Variants in MED13L observed in about 807,000 individuals in gnomAD.
The protein encoded by MED13L is mediator complex subunit 13L.
MED13L carries 7 observed loss-of-function variants against 220.9 expected under a neutral mutation model. That is an observed-to-expected ratio of 0.03 (90% CI 0.02 to 0.06). The LOEUF (loss-of-function observed/expected upper bound fraction) is 0.06, where lower values mean the gene tolerates loss of function less well. Ranked by LOEUF, MED13L falls within the 10% of genes least tolerant of loss-of-function variation. The pLI is 1.00. For synonymous variants in MED13L, 1,011 were observed against 1,015.2 expected (o/e 1.00, Z 0.08); for missense variants, 1,965 against 2,760.5 (o/e 0.71, Z 6.46).
At chr12:116,174,185 C>A (rs1242634295) in intron 2 of MED13L, among the ~76,000 whole-genome samples, 2 of 152,062 alleles carry the variant, frequency 1.3e-5, no homozygotes, top group African/African-American at 2.4e-5. Flanking sequence ...AAGGCAGTAA[C>A]CGAAAGAGAC....
chr12:115,972,392 AT>A (rs1876649692), intron 25 of MED13L, 156 bp from the exon 26 acceptor site: 1 of 821,264 alleles, frequency 1.2e-6, no homozygotes, highest in Non-Finnish European at 2.0e-6. Context: ...GCTATAGAGA[AT>A]GTTACTCGAC....
chr12:116,224,281 C>G (rs1868739800), intron 2 of MED13L, among the ~76,000 whole-genome samples: 1 of 152,212 alleles, frequency 6.6e-6, no homozygotes, highest in Non-Finnish European at 1.5e-5. Context: ...ATACACATCT[C>G]AAACTTCCCT....
At chr12:116,150,125 T>C (rs1416511994) in intron 2 of MED13L, among the ~76,000 whole-genome samples, 1 of 152,220 alleles carries the variant, frequency 6.6e-6, no homozygotes, top group Admixed American at 6.5e-5. Context: ...AGAATCTCTG[T>C]AAAGACCTAA....
At chr12:116,230,394 C>T (rs1005523609) in intron 2 of MED13L, 10 of 746,946 alleles carry the variant, frequency 1.3e-5, no homozygotes, top group East Asian at 1.3e-4. Context: ...AGTGAGACTC[C>T]GTCTCAACAA....
chr12:116,153,101 A>G (rs1469970867), intron 2 of MED13L, among the ~76,000 whole-genome samples: 7 of 152,186 alleles, frequency 4.6e-5, no homozygotes, highest in Non-Finnish European at 1.5e-5. Context: ...GAATTCTCCA[A>G]TAATTAAATT....
chr12:115,984,412 ATTCC>A (rs1041344157), intron 19 of MED13L, 40 bp from the exon 20 acceptor site: 3 of 1,602,610 alleles, frequency 1.9e-6, no homozygotes, highest in African/African-American at 1.3e-5. Context: ...AACAGGAGCC[ATTCC>A]TTCATTCAGT....
intron 4 of MED13L, among the ~76,000 whole-genome samples, chr12:116,040,986 A>G (rs1265820842): frequency 1.3e-5 from 2 of 152,174 alleles, no homozygotes; most frequent in Non-Finnish European, 2.9e-5. Context: ...TTTCCCCTAA[A>G]AACTATAGGT....
At chr12:115,996,800 T>C (rs1217037717) in intron 15 of MED13L, 119 bp from the exon 16 acceptor site, 2 of 1,081,116 alleles carry the variant, frequency 1.8e-6, no homozygotes. Context: ...ATTTCTCTCC[T>C]ATGATCATTA....
In MED13L at chr12:115,960,784, C is replaced by T; in HGVS notation, c.*482G>A. 4.7e-6 allele frequency: 1 copy of T among 211,718 alleles called. No individual in the cohort carries two copies. Among genetic ancestry groups the T allele is most frequent in the Non-Finnish European group, 9.7e-6 (1 of 103,328 alleles). The allele number at this position is 211,718 out of a possible 1,614,324, so 13.1% of individuals were successfully genotyped here. A position where few individuals can be genotyped will look rare whatever the true frequency, so the allele number is the denominator to read the frequency against. Reference sequence around the variant, plus strand: ...GGAGACAGAAACCCCAGTATGAAACCATGTACTTGAGCTGGTTCTTATTTT... The same window carrying T: ...GGAGACAGAAACCCCAGTATGAAACTATGTACTTGAGCTGGTTCTTATTTT... On this transcript the variant is annotated 3_prime_UTR_variant, in exon 31 of 31. Transcript: ENST00000281928.
intron 2 of MED13L, among the ~76,000 whole-genome samples, chr12:116,163,782 T>C (rs891787797): frequency 1.3e-5 from 2 of 152,212 alleles, no homozygotes; most frequent in African/African-American, 4.8e-5. Flanking sequence ...AATTGCGTTT[T>C]TGAATTTTTT....
chr12:116,068,288 C>A (rs898648636), intron 4 of MED13L, among the ~76,000 whole-genome samples: 2 of 152,184 alleles, frequency 1.3e-5, no homozygotes, highest in Admixed American at 1.3e-4. Context: ...CCAGAAGAAT[C>A]TCCACAACAG....
At chr12:116,029,258 G>A (rs368401918) in intron 4 of MED13L, among the ~76,000 whole-genome samples, 15 of 145,164 alleles carry the variant, frequency 1.0e-4, no homozygotes, top group African/African-American at 3.7e-4. Flanking sequence ...AAAAAAAAAA[G>A]GGGGGGGAGG....
At chr12:116,038,849 T>C (rs1443183459) in intron 4 of MED13L, among the ~76,000 whole-genome samples, 1 of 150,908 alleles carries the variant, frequency 6.6e-6, no homozygotes, top group Non-Finnish European at 1.5e-5. Context: ...CATAATCTAC[T>C]ATTGCATTTT....
intron 26 of MED13L, among the ~76,000 whole-genome samples, chr12:115,971,336 T>C (rs1265460003): frequency 1.3e-5 from 2 of 152,176 alleles, no homozygotes; most frequent in Non-Finnish European, 2.9e-5. Context: ...AGGTAACCTA[T>C]AGTCTAATGA....
chr12:116,177,928 T>G (rs1880195329), intron 2 of MED13L, among the ~76,000 whole-genome samples: 2 of 152,176 alleles, frequency 1.3e-5, no homozygotes, highest in South Asian at 4.1e-4. Flanking sequence ...CAATCACGGC[T>G]CACTGCAGCC....
intron 2 of MED13L, among the ~76,000 whole-genome samples, chr12:116,143,320 C>T (rs1877237634): frequency 6.9e-6 from 1 of 145,578 alleles, no homozygotes. Context: ...GACACAGCAA[C>T]ACCTTGTCTC....
intron 2 of MED13L, among the ~76,000 whole-genome samples, chr12:116,115,813 T>C (rs1014651368): frequency 6.6e-6 from 1 of 152,170 alleles, no homozygotes; most frequent in Non-Finnish European, 1.5e-5. Context: ...ACAATGAAAC[T>C]TCATTATCCA....
chr12:116,011,032 A>T (rs1310980767), intron 9 of MED13L, among the ~76,000 whole-genome samples: 1 of 151,652 alleles, frequency 6.6e-6, no homozygotes, highest in Non-Finnish European at 1.5e-5. Flanking sequence ...ACGCACCACC[A>T]TGGCTGGCTA....
chr12:116,171,830 T>A (rs1879703162), intron 2 of MED13L, among the ~76,000 whole-genome samples: 1 of 152,146 alleles, frequency 6.6e-6, no homozygotes, highest in South Asian at 2.1e-4. Context: ...ACCAACCAAT[T>A]TTTTTAAAAA....
Sources: gnomAD v4.1 joint callset for allele counts (sites outside exome capture counted in the v4.1 genomes callset) on GRCh38, gnomAD v4.1.1 for gene constraint, MANE v1.5 for transcripts, NCBI Gene and HGNC (gene_info 2026-07-23, HGNC 2026-07-21) for gene names.